The following IRS1 variants were observed in gnomAD, a reference collection of about 807,000 sequenced individuals.
The protein encoded by IRS1 is insulin receptor substrate 1.
Under a neutral mutation model 65.6 loss-of-function variants are expected in IRS1, and 34 were observed. That is an observed-to-expected ratio of 0.52 (90% CI 0.39 to 0.69). The LOEUF is 0.69. Among genes scored for constraint, IRS1 ranks in the 30% least tolerant of loss-of-function variants. The probability of loss-of-function intolerance (pLI) is 0.00; values close to 1 mark genes in which losing one functional copy is unlikely to be tolerated. For synonymous variants in IRS1, 699 were observed against 683.5 expected, an observed-to-expected ratio of 1.02 and a Z score of -0.35; for missense variants, 1,641 against 1,720.2, an observed-to-expected ratio of 0.95 and a Z score of 0.81.
In IRS1 at chr2:226,796,051, A is replaced by G. The variant is rs1559158994; in HGVS notation, c.2688T>C (p.Tyr896=). Residue 896 remains tyrosine (Y), a synonymous_variant, in exon 1 of 2, where the codon TAT becomes TAC. Coordinates refer to ENST00000305123, the MANE Select transcript of IRS1 (RefSeq NM_005544.3). ...GATCACTCCCAAATTCAATATTGAC[A>G]TATTCCCCCGGGCTCTTGGGCTCTG... ...HPPEPKSPGE[Y]VNIEFGSDQS... 1 of 1,614,008 alleles carries G rather than the reference A, an allele frequency of 6.2e-7. No homozygotes were observed. Among genetic ancestry groups the G allele is most frequent in the East Asian group, 2.2e-5 (1 of 44,870 alleles).
At chr2:226,774,665 TCTTCAAACA>T (rs1383153306) in intron 1 of IRS1, among the ~76,000 whole-genome samples, 1 of 152,214 alleles carries the variant, frequency 6.6e-6, no homozygotes, top group Non-Finnish European at 1.5e-5. Flanking sequence ...TTCACAAATG[TCTTCAAACA>T]CATGTAGAGA....
intron 1 of IRS1, among the ~76,000 whole-genome samples, chr2:226,786,785 TAA>T (rs200340976): frequency 0.083 from 9,652 of 116,204 alleles, 406 homozygotes; most frequent in East Asian, 0.17. Context: ...CTTGGTAGTC[TAA>T]AAAAAAAAAA....
In IRS1 at chr2:226,798,358, G is replaced by T. The variant is rs775628845; in HGVS notation, c.381C>A (p.Leu127=). 6.2e-6 allele frequency: 10 copies of T among 1,613,584 alleles called. No homozygotes were observed. In the South Asian group the frequency reaches 1.1e-4, roughly 18 times the overall value. ...AKGHHDGAAA[L]GAGGGGGSCS... is the part of the protein sequence containing the mutation. Reference sequence around the variant, plus strand: ...AGCTGCCCCCACCACCTCCCGCCCCGAGGGCCGCAGCTCCGTCGTGGTGGC... The same window carrying T: ...AGCTGCCCCCACCACCTCCCGCCCCTAGGGCCGCAGCTCCGTCGTGGTGGC... Residue 127 remains leucine (L), a synonymous_variant, in exon 1 of 2, where the codon CTC becomes CTA. Coordinates refer to ENST00000305123, the MANE Select transcript of IRS1 (RefSeq NM_005544.3). This position sits in a 1 kb window ranked among gnomAD's most constrained non-coding sequence, Gnocchi z 9.4.
chr2:226,772,562 C>A (rs1411678895), intron 1 of IRS1, among the ~76,000 whole-genome samples: 1 of 151,690 alleles, frequency 6.6e-6, no homozygotes, highest in Non-Finnish European at 1.5e-5. Context: ...TGAACAGTAG[C>A]GTATAATTTG....
chr2:226,768,701 A>G (rs1484860985), intron 1 of IRS1, among the ~76,000 whole-genome samples: 3 of 152,120 alleles, frequency 2.0e-5, no homozygotes, highest in African/African-American at 7.2e-5. Flanking sequence ...TAGTGGCGCT[A>G]TCTCGGCTCG....
intron 1 of IRS1, among the ~76,000 whole-genome samples, chr2:226,793,704 G>C (rs778052595): frequency 7.2e-5 from 11 of 152,172 alleles, no homozygotes; most frequent in Non-Finnish European, 1.5e-4. Context: ...GCTTTTAAAA[G>C]CTCATTCTGT....
At chr2:226,774,205 A>C (rs1057068399) in intron 1 of IRS1, among the ~76,000 whole-genome samples, 11 of 152,242 alleles carry the variant, frequency 7.2e-5, no homozygotes, top group Non-Finnish European at 1.5e-5. Flanking sequence ...GTAAATGTCT[A>C]TACTGAATCA....
Position 226,795,215 on chromosome 2 carries a change from T to C in IRS1, c.3524A>G (p.Asn1175Ser). The change falls in exon 1 of 2, where the codon AAT becomes AGT. Residue 1175 changes from asparagine to serine, a missense_variant. Asn to Ser is a conservative substitution (Grantham distance 46). Coordinates refer to ENST00000305123, the MANE Select transcript of IRS1 (RefSeq NM_005544.3). ...ATCCAGGTCTATGTAGTTAAGACCA[T>C]TCTCCAAACCCCCAGCAGCCCCACA... ...KLCGAAGGLE[N>S]GLNYIDLDLV... The C allele has an allele frequency of 6.2e-7, 1 of 1,614,072 alleles. No homozygotes were observed. The highest frequency in any genetic ancestry group is 1.1e-5 in the South Asian group (1 of 91,084).
chr2:226,798,828 A>G lies in IRS1; in HGVS notation c.-90T>C, dbSNP rs148456563. On this transcript the variant is annotated 5_prime_UTR_variant, in exon 1 of 2. It removes an upstream start codon present in the reference 5' UTR. Coordinates refer to ENST00000305123, the MANE Select transcript of IRS1 (RefSeq NM_005544.3). This position sits in a 1 kb window ranked among gnomAD's most constrained non-coding sequence, Gnocchi z 9.4. The stretch of plus-strand genomic sequence containing the variant: ...GAGGCTCCTCGCCGCGGCCCGGCAC[A>G]TGCAAACAGGGCTGGAGGCAGCAGA... The G allele has an allele frequency of 9.8e-4, 1,515 of 1,549,044 alleles. 10 individuals carry two copies. In the African/African-American group the frequency reaches 0.017, roughly 17 times the overall value.
rs532709716 is a variant in IRS1 at position 226,755,711 on chromosome 2, C to T, written c.*22-19461G>A. On this transcript the variant is annotated intron_variant, in intron 1 of 1. Transcript: ENST00000305123. ...CCCACAACTTTGTATTCCTTTCCCT[C>T]AGTACCTTTTCTCTTTCAATTAGTG... Among the ~76,000 whole-genome samples, 6 of 152,306 alleles carry T rather than the reference C, an allele frequency of 3.9e-5. No homozygotes were observed. The South Asian group carries it at 1.2e-3, about 32-fold the overall frequency.
rs1358133920 is a variant in IRS1 at position 226,794,934 on chromosome 2, C to G, written c.*21+55G>C. The G allele has an allele frequency of 2.0e-5, 30 of 1,481,934 alleles. No individual in the cohort carries two copies. Among genetic ancestry groups the G allele is most frequent in the Non-Finnish European group, 2.7e-5 (29 of 1,063,756 alleles). 91.8% of individuals were successfully genotyped at this position (1,481,934 alleles called of 1,614,324 possible). On this transcript the variant is annotated intron_variant, in intron 1 of 1. Coordinates refer to ENST00000305123, the MANE Select transcript of IRS1 (RefSeq NM_005544.3). This position sits in a 1 kb window ranked among gnomAD's most constrained non-coding sequence, Gnocchi z 4.1. ...AGGGGCAGAGGCGAAGAACAGAATT[C>G]AAGGACAAGGTTAAAAGCAGTTTTG...
chr2:226,742,004 G>C (rs1938449935), intron 1 of IRS1, among the ~76,000 whole-genome samples: 1 of 152,148 alleles, frequency 6.6e-6, no homozygotes, highest in South Asian at 2.1e-4. Flanking sequence ...GAAGTTCCCA[G>C]CTTAAAGCCT....
chr2:226,778,815 T>C (rs1396830802), intron 1 of IRS1, among the ~76,000 whole-genome samples: 2 of 152,220 alleles, frequency 1.3e-5, no homozygotes, highest in Non-Finnish European at 2.9e-5. Flanking sequence ...TGTCACCTGT[T>C]CCAGATCTCG....
chr2:226,796,857 C>G lies in IRS1; in HGVS notation c.1882G>C (p.Gly628Arg), dbSNP rs1213787374. Residue 628 changes from glycine to arginine, a missense_variant, in exon 1 of 2, where the codon GGC becomes CGC. By Grantham distance (125) the Gly-to-Arg change is moderately radical (BLOSUM62 -2). Around this residue, in one of 3 missense-constraint regions of IRS1, gnomAD observed 1,324 missense variants for 1,361.0 expected, o/e 0.97. Coordinates refer to ENST00000305123, the MANE Select transcript of IRS1 (RefSeq NM_005544.3). ...CTCATGGGCATATAGTCTCCACTGC[C>G]CTTTCGGCCACTGGGCACTGGGGCC... ...GVAPVPSGRK[G>R]SGDYMPMSPK... is the part of the protein sequence containing the mutation. 5.8e-6 allele frequency: 9 copies of G among 1,541,500 alleles called. No homozygotes were observed. The highest frequency in any genetic ancestry group is 7.9e-6 in the Non-Finnish European group (9 of 1,142,760).
At chr2:226,775,032 C>T (rs1939241363) in intron 1 of IRS1, among the ~76,000 whole-genome samples, 4 of 152,096 alleles carry the variant, frequency 2.6e-5, no homozygotes, top group Admixed American at 2.6e-4. Context: ...AGTAATTAAG[C>T]ATTTGTCAAA....
intron 1 of IRS1, among the ~76,000 whole-genome samples, chr2:226,747,715 G>A (rs1429521441): frequency 2.0e-5 from 3 of 152,138 alleles, no homozygotes; most frequent in Non-Finnish European, 4.4e-5. Flanking sequence ...ACACGCTCAT[G>A]AGGCTCAACC....
chr2:226,750,752 A>T (rs554864049), intron 1 of IRS1, among the ~76,000 whole-genome samples: 36 of 152,362 alleles, frequency 2.4e-4, no homozygotes, highest in Non-Finnish European at 4.6e-4. Context: ...AGAAAAGCAC[A>T]GAGAAAATAT....
chr2:226,761,436 T>G (rs1456356885), intron 1 of IRS1, among the ~76,000 whole-genome samples: 1 of 152,152 alleles, frequency 6.6e-6, no homozygotes, highest in Non-Finnish European at 1.5e-5. Flanking sequence ...TTTATTGTCA[T>G]TCTATACCAA....
At chr2:226,749,050 C>T (rs554290885) in intron 1 of IRS1, among the ~76,000 whole-genome samples, 1 of 152,268 alleles carries the variant, frequency 6.6e-6, no homozygotes, top group East Asian at 1.9e-4. Flanking sequence ...TGACAAAATG[C>T]TTTCAAAATA....
Sources: gnomAD v4.1 joint callset for allele counts (sites outside exome capture counted in the v4.1 genomes callset) on GRCh38, gnomAD v4.1.1 for gene constraint, gnomAD v4.1.1 regional missense constraint, Gnocchi (gnomAD v3.1) non-coding constraint, MANE v1.5 for transcripts, NCBI Gene and HGNC (gene_info 2026-07-23, HGNC 2026-07-21) for gene names.